BRD7: variants seen among roughly 807,000 people sequenced by gnomAD.
BRD7 encodes the protein bromodomain containing 7, also known as bromodomain-containing protein 7.
BRD7 carries 15 observed loss-of-function variants against 82.1 expected under a neutral mutation model. The observed-to-expected ratio is 0.18, with a 90% CI of 0.12 to 0.28. The LOEUF (loss-of-function observed/expected upper bound fraction) is 0.28, where lower values mean the gene tolerates loss of function less well. BRD7 is among the 10% of genes least tolerant of loss of function. The probability of loss-of-function intolerance (pLI) is 1.00; values close to 1 mark genes in which losing one functional copy is unlikely to be tolerated. For missense variants in BRD7, 638 were observed against 779.9 expected (o/e 0.82, Z 2.17); for synonymous variants, 232 against 266.9 (o/e 0.87, Z 1.27).
intron 6 of BRD7, among the ~76,000 whole-genome samples, chr16:50,338,793 C>T (rs965152588): frequency 1.3e-5 from 2 of 152,114 alleles, no homozygotes; most frequent in Non-Finnish European, 2.9e-5. Context: ...AATGTCTTGC[C>T]CAAAGTCCAC....
chr16:50,326,751 T>C (rs984699863), intron 9 of BRD7, among the ~76,000 whole-genome samples: 1 of 152,202 alleles, frequency 6.6e-6, no homozygotes, highest in African/African-American at 2.4e-5. Flanking sequence ...AGTAAAAGAC[T>C]GAGGGAAAAC....
At chr16:50,367,997 T>G (rs2151219499) in intron 2 of BRD7, 93 bp downstream of exon 2, 3,857 of 1,140,420 alleles carry the variant, frequency 3.4e-3, no homozygotes, top group East Asian at 6.9e-3. Flanking sequence ...TTAGAGGCGT[T>G]TGTTTTCCCC....
chr16:50,363,641 T>TTGTATG lies in BRD7; in HGVS notation c.258+4448_258+4449insCATACA, dbSNP rs1491153781. On this transcript the variant is annotated intron_variant, in intron 2 of 16. Coordinates refer to ENST00000394688, the MANE Select transcript of BRD7 (RefSeq NM_013263.5). ...AATTGTAAGGCTTTACGTTGTGTGT[T>TTGTATG]TGTGTGTGTGTGTGTGTGTGCGCGC... 8.0e-5 allele frequency among the ~76,000 whole-genome samples: 12 copies of TTGTATG among 149,174 alleles called. No homozygotes were observed. The East Asian group carries it at 1.4e-3, about 17-fold the overall frequency.
intron 16 of BRD7, 115 bp downstream of exon 16, chr16:50,319,770 CTA>C: frequency 7.5e-7 from 1 of 1,337,574 alleles, no homozygotes; most frequent in Non-Finnish European, 1.0e-6. Flanking sequence ...ACAGATTTTG[CTA>C]TCTTTGTGGG....
At chr16:50,342,715 C>T (rs1273172107) in intron 5 of BRD7, among the ~76,000 whole-genome samples, 1 of 152,078 alleles carries the variant, frequency 6.6e-6, no homozygotes, top group Non-Finnish European at 1.5e-5. Context: ...GCCACCACAC[C>T]TGGCCATAAA....
intron 12 of BRD7, among the ~76,000 whole-genome samples, chr16:50,322,329 T>A (rs968544117): frequency 1.3e-5 from 2 of 152,232 alleles, no homozygotes; most frequent in Non-Finnish European, 2.9e-5. Context: ...ATAAATGGTA[T>A]CTGTTTTTAT....
rs765809918 is a variant in BRD7 at position 50,319,920 on chromosome 16, C to CG, written c.1866dup (p.Val623ArgfsTer14). ...AAATCCACAAAGTTGTTTTCCATGA[C>CG]GGGGGAAGGAATGGAAATCCCCATT... On this transcript the variant is annotated frameshift_variant, in exon 16 of 17. Coordinates refer to ENST00000394688, the MANE Select transcript of BRD7 (RefSeq NM_013263.5). LOFTEE classifies it low-confidence loss of function (END_TRUNC). 12 of 1,612,210 alleles carry CG rather than the reference C, an allele frequency of 7.4e-6. No homozygotes were observed. The highest frequency in any genetic ancestry group is 1.0e-5 in the Non-Finnish European group (12 of 1,179,912).
chr16:50,337,408 G>A (rs547443715), intron 6 of BRD7, among the ~76,000 whole-genome samples: 1 of 151,822 alleles, frequency 6.6e-6, no homozygotes, highest in South Asian at 2.1e-4. Flanking sequence ...TTACAGGCAT[G>A]CACCACCACG....
chr16:50,348,420 T>C (rs564689771), intron 5 of BRD7, among the ~76,000 whole-genome samples: 41 of 152,236 alleles, frequency 2.7e-4, no homozygotes, highest in African/African-American at 9.4e-4. Flanking sequence ...TGGGATCTCA[T>C]TAAACTAAAG....
Position 50,318,274 on chromosome 16 carries a change from G to C in BRD7, c.*937C>G, listed in dbSNP as rs1167387509. 6.6e-6 allele frequency: 1 copy of C among 151,822 alleles called. No homozygotes were observed. Among genetic ancestry groups the C allele is most frequent in the Non-Finnish European group, 1.5e-5 (1 of 67,838 alleles). 9.4% of individuals were successfully genotyped at this position (151,822 alleles called of 1,614,324 possible). ...GAATTAATTTTCCTTTACCCTATTT[G>C]TTCTTCCTAAATACTAATTAATTTT... On this transcript the variant is annotated 3_prime_UTR_variant, in exon 17 of 17. Transcript: ENST00000394688.
chr16:50,360,727 G>C (rs2038906479), intron 2 of BRD7, among the ~76,000 whole-genome samples: 1 of 152,146 alleles, frequency 6.6e-6, no homozygotes, highest in East Asian at 1.9e-4. Context: ...GTACAGTCTG[G>C]CCAGATAATA....
rs1319655623 is a variant in BRD7, at chr16:50,318,351, TAGA to T, written c.*857_*859del. ...AATGGCTTCCTGCCTGGGTGATTTA[TAGA>T]AGGATTGTATAAGGGCCTTCAAACT... On this transcript the variant is annotated 3_prime_UTR_variant, in exon 17 of 17. Coordinates refer to ENST00000394688, the MANE Select transcript of BRD7 (RefSeq NM_013263.5). The T allele has an allele frequency of 1.3e-5, 2 of 152,254 alleles. No homozygotes were observed. The highest frequency in any genetic ancestry group is 1.9e-4 in the East Asian group (1 of 5,202). 9.4% of individuals were successfully genotyped at this position (152,254 alleles called of 1,614,324 possible).
At position 50,316,719 on chromosome 16, in the gene BRD7, C is replaced by T. The variant is rs1236698463; in HGVS notation, c.*2492G>A. The T allele has an allele frequency of 6.6e-6, 1 of 152,330 alleles. No homozygotes were observed. Among genetic ancestry groups the T allele is most frequent in the African/African-American group, 2.4e-5 (1 of 41,438 alleles). 9.4% of individuals were successfully genotyped at this position (152,330 alleles called of 1,614,324 possible). ...GATGTGTCTTACTGTGCTTCAACTT[C>T]CCAAGGAATTGAAAGTCAACCTAAC... On this transcript the variant is annotated 3_prime_UTR_variant, in exon 17 of 17. Transcript: ENST00000394688.
chr16:50,349,319 G>A (rs957381176), intron 5 of BRD7: 34 of 308,380 alleles, frequency 1.1e-4, no homozygotes, highest in Admixed American at 9.2e-4. Context: ...TGGGTTCAGC[G>A]CACCAACATG....
intron 4 of BRD7, 81 bp downstream of exon 4, chr16:50,354,344 A>T (rs1296768869): frequency 8.5e-7 from 1 of 1,178,064 alleles, no homozygotes; most frequent in African/African-American, 1.6e-5. Flanking sequence ...GTATGTTTGG[A>T]GTTAGGCACA....
intron 7 of BRD7, among the ~76,000 whole-genome samples, chr16:50,334,005 T>C (rs1006097406): frequency 6.6e-5 from 10 of 152,360 alleles, no homozygotes; most frequent in Middle Eastern, 3.4e-3. Flanking sequence ...CAATATACCA[T>C]TGTTCTTTTA....
chr16:50,351,337 C>A (rs1392085840), intron 4 of BRD7, among the ~76,000 whole-genome samples: 2 of 152,182 alleles, frequency 1.3e-5, no homozygotes, highest in Admixed American at 1.3e-4. Flanking sequence ...TTGTTTTTCA[C>A]AGCAGGATGC....
intron 11 of BRD7, among the ~76,000 whole-genome samples, chr16:50,324,961 A>G (rs1008028378): frequency 1.3e-5 from 2 of 152,268 alleles, no homozygotes; most frequent in East Asian, 1.9e-4. Context: ...TGTAAAAACA[A>G]CAACAACCAA....
Position 50,317,771 on chromosome 16 carries a change from C to T in BRD7, c.*1440G>A, listed in dbSNP as rs1225006639. On this transcript the variant is annotated 3_prime_UTR_variant, in exon 17 of 17. Coordinates refer to ENST00000394688, the MANE Select transcript of BRD7 (RefSeq NM_013263.5). ...GTCATTTTGTTTTATGACAGACACA[C>T]GTATCTAACAAACAAACAAACAGTG... The T allele has an allele frequency of 1.3e-5, 2 of 152,272 alleles. No homozygotes were observed. The highest frequency in any genetic ancestry group is 1.9e-4 in the East Asian group (1 of 5,340). 9.4% of individuals were successfully genotyped at this position (152,272 alleles called of 1,614,324 possible). A position where few individuals can be genotyped will look rare whatever the true frequency, so the allele number is the denominator to read the frequency against.
Sources: gnomAD v4.1 joint callset for allele counts (sites outside exome capture counted in the v4.1 genomes callset) on GRCh38, gnomAD v4.1.1 for gene constraint, MANE v1.5 for transcripts, NCBI Gene and HGNC (gene_info 2026-07-23, HGNC 2026-07-21) for gene names.